LMTK2: variants seen among roughly 807,000 people sequenced by gnomAD.
LMTK2 encodes the protein serine/threonine-protein kinase LMTK2.
In LMTK2, 37 loss-of-function variants were observed where a neutral mutation model predicts 127.5. The ratio of observed to expected loss-of-function variants is 0.29; its 90% confidence interval spans 0.22 to 0.38. The LOEUF is 0.38. Ranked by LOEUF, LMTK2 falls within the 10% of genes least tolerant of loss-of-function variation. The pLI is 1.00. For synonymous variants in LMTK2, 819 were observed against 810.1 expected (o/e 1.01, Z -0.19); for missense variants, 1,694 against 1,920.3 (o/e 0.88, Z 2.20).
chr7:98,183,570 AAT>A (rs765283143), intron 7 of LMTK2, among the ~76,000 whole-genome samples: 12 of 151,884 alleles, frequency 7.9e-5, no homozygotes, highest in Non-Finnish European at 1.8e-4. Flanking sequence ...TTGTATTTTT[AAT>A]AGAGATGGGA....
chr7:98,167,853 T>A (rs918266409), intron 6 of LMTK2, among the ~76,000 whole-genome samples: 24 of 151,276 alleles, frequency 1.6e-4, no homozygotes, highest in South Asian at 2.1e-4. Flanking sequence ...GGAGAGCCAG[T>A]GGGGGGGCCG....
intron 7 of LMTK2, among the ~76,000 whole-genome samples, chr7:98,175,171 A>G (rs1797257020): frequency 6.6e-6 from 1 of 152,166 alleles, no homozygotes; most frequent in South Asian, 2.1e-4. Context: ...TTTCTGCAGG[A>G]GGAGGAAGAG....
Position 98,205,732 on chromosome 7 carries a change from C to T in LMTK2, c.*240C>T. 1.7e-6 allele frequency: 1 copy of T among 578,200 alleles called. No individual in the cohort carries two copies. The highest frequency in any genetic ancestry group is 3.1e-6 in the Non-Finnish European group (1 of 322,280). The allele number at this position is 578,200 out of a possible 1,614,324, so 35.8% of individuals were successfully genotyped here. A position where few individuals can be genotyped will look rare whatever the true frequency, so the allele number is the denominator to read the frequency against. On this transcript the variant is annotated 3_prime_UTR_variant, in exon 14 of 14. Transcript: ENST00000297293. ...CCCTCAGTGCCCCGTGCACCCGCGGCCGCGGCCTCCCAGGCAGTGCTCATG... is the reference window on the plus strand; with the variant it reads ...CCCTCAGTGCCCCGTGCACCCGCGGTCGCGGCCTCCCAGGCAGTGCTCATG...
intron 3 of LMTK2, among the ~76,000 whole-genome samples, chr7:98,148,838 G>C (rs1796809844): frequency 6.6e-6 from 1 of 152,232 alleles, no homozygotes; most frequent in South Asian, 2.1e-4. Context: ...CTGAAGACCA[G>C]CTCCAGCTGA....
chr7:98,192,574 T>G lies in LMTK2; in HGVS notation c.2109T>G (p.Asp703Glu), dbSNP rs1797548186. 1 of 1,613,248 alleles carries G rather than the reference T, an allele frequency of 6.2e-7. No homozygotes were observed. The highest frequency in any genetic ancestry group is 8.5e-7 in the Non-Finnish European group (1 of 1,179,876). The change falls in exon 11 of 14, where the codon GAT (aspartate) becomes GAG (glutamate). Residue 703 changes from aspartate to glutamate, a missense_variant. Physicochemically the swap from Asp to Glu is conservative, Grantham distance 45. Coordinates refer to ENST00000297293, the MANE Select transcript of LMTK2 (RefSeq NM_014916.4). ...IFDSEPLCLS[D>E]NLMHQDNFDP... ...ACAGTGAGCCTCTCTGCCTATCAGA[T>G]AATCTTATGCACCAAGATAATTTTG...
rs192870964 is a variant in LMTK2 at position 98,121,247 on chromosome 7, T to C, written c.103+13967T>C. Among the ~76,000 whole-genome samples the C allele has an allele frequency of 4.9e-4, 74 of 152,336 alleles. 2 individuals are homozygous for C. In the East Asian group the frequency reaches 8.3e-3, roughly 17 times the overall value. ...CCACTTCTCTGGATATTGATTTCTGTATATTCTCTGAAAGTACTGGGGTGA... is the reference window on the plus strand; with the variant it reads ...CCACTTCTCTGGATATTGATTTCTGCATATTCTCTGAAAGTACTGGGGTGA... On this transcript the variant is annotated intron_variant, in intron 1 of 13. Coordinates refer to ENST00000297293, the MANE Select transcript of LMTK2 (RefSeq NM_014916.4).
At chr7:98,141,029 T>G (rs944803505) in intron 2 of LMTK2, among the ~76,000 whole-genome samples, 1 of 147,498 alleles carries the variant, frequency 6.8e-6, no homozygotes, top group Non-Finnish European at 1.5e-5. Context: ...TGTGCTCCAG[T>G]CACTGTGCTC....
intron 10 of LMTK2, 70 bp from the exon 11 acceptor site, chr7:98,191,544 T>C: frequency 7.8e-7 from 1 of 1,276,714 alleles, no homozygotes; most frequent in East Asian, 2.4e-5. Context: ...AGAGCAAGAC[T>C]CCGTCTCGAA....
chr7:98,150,848 G>T (rs1796842740), intron 3 of LMTK2, among the ~76,000 whole-genome samples: 1 of 151,576 alleles, frequency 6.6e-6, no homozygotes, highest in Non-Finnish European at 1.5e-5. Flanking sequence ...TAGAGATGGG[G>T]GCAGGTGGAA....
intron 5 of LMTK2, among the ~76,000 whole-genome samples, chr7:98,157,752 A>G (rs1253855738): frequency 6.6e-6 from 1 of 152,158 alleles, no homozygotes; most frequent in Admixed American, 6.5e-5. Context: ...TACTATACCA[A>G]TTCCATTTAT....
At position 98,194,610 on chromosome 7, in the gene LMTK2, A is replaced by T. The variant is rs572877811; in HGVS notation, c.4107+38A>T. 5.3e-6 allele frequency: 8 copies of T among 1,510,480 alleles called. No homozygotes were observed. In the Admixed American group the frequency reaches 8.0e-5, roughly 15 times the overall value. The allele number at this position is 1,510,480 out of a possible 1,614,324, so 93.6% of individuals were successfully genotyped here. A position where few individuals can be genotyped will look rare whatever the true frequency, so the allele number is the denominator to read the frequency against. ...TCTAAATCATTTTCTATACACATCC[A>T]TATAAGGATTCCAAAATGTGCTAGG... On this transcript the variant is annotated intron_variant, in intron 11 of 13. Coordinates refer to ENST00000297293, the MANE Select transcript of LMTK2 (RefSeq NM_014916.4). This position sits in a 1 kb window ranked among gnomAD's most constrained non-coding sequence, Gnocchi z 5.4.
At chr7:98,187,972 C>T (rs1427253399) in intron 9 of LMTK2, among the ~76,000 whole-genome samples, 2 of 152,290 alleles carry the variant, frequency 1.3e-5, no homozygotes, top group East Asian at 3.9e-4. Flanking sequence ...TCACTCCAGA[C>T]ATGTATCATT....
At chr7:98,195,680 AG>A (rs1349751442) in intron 11 of LMTK2, among the ~76,000 whole-genome samples, 2 of 152,104 alleles carry the variant, frequency 1.3e-5, no homozygotes, top group Non-Finnish European at 2.9e-5. Flanking sequence ...CCTTGGTCTC[AG>A]CCCCTGCGTG....
intron 7 of LMTK2, among the ~76,000 whole-genome samples, chr7:98,183,511 C>G (rs1797384847): frequency 1.3e-5 from 2 of 152,162 alleles, no homozygotes; most frequent in South Asian, 4.1e-4. Flanking sequence ...CCTCAGTCTC[C>G]TGAGTGGCTG....
At chr7:98,153,578 C>G (rs916826694) in intron 4 of LMTK2, among the ~76,000 whole-genome samples, 1 of 152,142 alleles carries the variant, frequency 6.6e-6, no homozygotes, top group Non-Finnish European at 1.5e-5. Context: ...TTTTACTCCT[C>G]AAGGAGCAAT....
chr7:98,191,734 A>G lies in LMTK2; in HGVS notation c.1269A>G (p.Glu423=). The change falls in exon 11 of 14, where the codon GAA becomes GAG. Residue 423 remains glutamate, a synonymous_variant. Transcript: ENST00000297293. The stretch of plus-strand genomic sequence containing the variant: ...AGCGGGACTCAGAGGTCGACTTTGA[A>G]CAGCAGTGGAACGCTCTGAAGCCGA... ...QSQRDSEVDF[E]QQWNALKPNT... 1 of 1,614,138 alleles carries G rather than the reference A, an allele frequency of 6.2e-7. No individual in the cohort carries two copies. Among genetic ancestry groups the G allele is most frequent in the Non-Finnish European group, 8.5e-7 (1 of 1,180,024 alleles).
At position 98,141,664 on chromosome 7, in the gene LMTK2, C is replaced by T. The variant is rs1275823404; in HGVS notation, c.376+123C>T. The stretch of plus-strand genomic sequence containing the variant: ...CTTTGGTTTATTTCTCTTCCTTCTG[C>T]TCCCAGTGAAGCTGAATTCTAGTGG... On this transcript the variant is annotated intron_variant, in intron 3 of 13. Transcript: ENST00000297293. 5 of 951,188 alleles carry T rather than the reference C, an allele frequency of 5.3e-6. No individual in the cohort carries two copies. In the Admixed American group the frequency reaches 1.1e-4, roughly 21 times the overall value. 58.9% of individuals were successfully genotyped at this position (951,188 alleles called of 1,614,324 possible).
At chr7:98,127,872 G>T (rs1796466115) in intron 1 of LMTK2, among the ~76,000 whole-genome samples, 2 of 152,208 alleles carry the variant, frequency 1.3e-5, no homozygotes, top group South Asian at 4.1e-4. Flanking sequence ...GCTGGGCATG[G>T]TGGCTCATGC....
At chr7:98,141,838 A>G (rs753920119) in intron 3 of LMTK2, among the ~76,000 whole-genome samples, 3 of 152,194 alleles carry the variant, frequency 2.0e-5, no homozygotes, top group African/African-American at 7.2e-5. Context: ...TTTCTCTGCT[A>G]GTTCTGGCCA....
Sources: gnomAD v4.1 joint callset for allele counts (sites outside exome capture counted in the v4.1 genomes callset) on GRCh38, gnomAD v4.1.1 for gene constraint, Gnocchi (gnomAD v3.1) non-coding constraint, MANE v1.5 for transcripts, NCBI Gene and HGNC (gene_info 2026-07-23, HGNC 2026-07-21) for gene names.